Variants in AOPEP observed in about 807,000 individuals in gnomAD.
AOPEP encodes the protein aminopeptidase O.
In AOPEP, 77 loss-of-function variants were observed where a neutral mutation model predicts 98.1. The ratio of observed to expected loss-of-function variants is 0.78; its 90% confidence interval spans 0.65 to 0.95. AOPEP has a LOEUF of 0.95. Among genes scored for constraint, AOPEP ranks in the 40% least tolerant of loss-of-function variants. The pLI is 0.00. For synonymous variants in AOPEP, 346 were observed against 365.3 expected (o/e 0.95, Z 0.60); for missense variants, 1,024 against 1,024.7 (o/e 1.00, Z 0.01).
chr9:94,906,490 C>A (rs1295513426), intron 5 of AOPEP, among the ~76,000 whole-genome samples: 14 of 58,072 alleles, frequency 2.4e-4, no homozygotes, highest in African/African-American at 6.5e-4. Context: ...AATAAAAAAA[C>A]AGACCCCCTC....
chr9:94,961,563 C>T (rs1417243272), intron 9 of AOPEP, among the ~76,000 whole-genome samples: 5 of 152,144 alleles, frequency 3.3e-5, no homozygotes, highest in Non-Finnish European at 7.3e-5. Context: ...CTGTTCTTTT[C>T]CTTGACGTTT....
intron 5 of AOPEP, among the ~76,000 whole-genome samples, chr9:94,860,097 T>C (rs2044740819): frequency 6.6e-6 from 1 of 152,148 alleles, no homozygotes; most frequent in Admixed American, 6.5e-5. Flanking sequence ...TGGCAGGGCC[T>C]TGGGGCAGGT....
chr9:94,729,740 T>C (rs1487146609), intron 1 of AOPEP, among the ~76,000 whole-genome samples: 1 of 152,122 alleles, frequency 6.6e-6, no homozygotes, highest in East Asian at 1.9e-4. Context: ...CTCTCCAGTG[T>C]GATAATCAAA....
intron 1 of AOPEP, among the ~76,000 whole-genome samples, chr9:94,738,873 G>T (rs1832412293): frequency 6.6e-6 from 1 of 152,132 alleles, no homozygotes; most frequent in Non-Finnish European, 1.5e-5. Flanking sequence ...TGTGCCCCAA[G>T]AGAAAAATAT....
chr9:94,761,754 G>T (rs1838354135), intron 2 of AOPEP, among the ~76,000 whole-genome samples: 1 of 152,138 alleles, frequency 6.6e-6, no homozygotes, highest in South Asian at 2.1e-4. Context: ...TTGTGAAATT[G>T]CAGGGTTGGT....
intron 5 of AOPEP, among the ~76,000 whole-genome samples, chr9:94,837,120 C>G (rs1481980051): frequency 6.6e-6 from 1 of 152,116 alleles, no homozygotes; most frequent in East Asian, 1.9e-4. Context: ...TTCAAGGCTA[C>G]TGTGAACACC....
chr9:95,064,066 C>G (rs1034943660), intron 14 of AOPEP, among the ~76,000 whole-genome samples: 1 of 152,222 alleles, frequency 6.6e-6, no homozygotes, highest in Non-Finnish European at 1.5e-5. Flanking sequence ...TCCACTCTTT[C>G]ATGTAGAATT....
Position 94,850,597 on chromosome 9 carries a change from C to T in AOPEP, c.1364+49595C>T, listed in dbSNP as rs117313823. 7.7e-4 allele frequency among the ~76,000 whole-genome samples: 117 copies of T among 152,282 alleles called. 1 individual carries two copies. The East Asian group carries it at 0.021, about 28-fold the overall frequency. ...ATGGTAGAGTGGAATTTGAGCTCAC[C>T]GCCCGACTCCAGAGTGGTGCCCTTA... is the stretch of plus-strand genomic sequence containing the variant. On this transcript the variant is annotated intron_variant, in intron 5 of 16. Transcript: ENST00000375315.
At chr9:94,841,880 T>C (rs1029349348) in intron 5 of AOPEP, among the ~76,000 whole-genome samples, 1 of 151,960 alleles carries the variant, frequency 6.6e-6, no homozygotes. Context: ...AGCGAGACCC[T>C]GTCTCTACAA....
At chr9:95,046,651 A>G (rs2065893326) in intron 13 of AOPEP, among the ~76,000 whole-genome samples, 2 of 152,208 alleles carry the variant, frequency 1.3e-5, no homozygotes, top group African/African-American at 2.4e-5. Flanking sequence ...AGTGTGGGGA[A>G]CATAGGGAAG....
intron 1 of AOPEP, among the ~76,000 whole-genome samples, chr9:94,759,249 T>C: frequency 6.6e-6 from 1 of 152,248 alleles, no homozygotes; most frequent in East Asian, 1.9e-4. Flanking sequence ...TTCACACTTG[T>C]TACTTGGAAT....
rs1393142202 is a variant in AOPEP at position 94,924,164 on chromosome 9, A to G, written c.1543A>G (p.Thr515Ala). The change falls in exon 6 of 17, where the codon ACA becomes GCA. Residue 515 changes from threonine to alanine, a missense_variant. Coordinates refer to ENST00000375315, the MANE Select transcript of AOPEP (RefSeq NM_001193329.3). ...TCACTTGGAGGATGTGTTTTGGGCCACAGCACAGCAGGTGGGTTAAAGTGA... is the reference window on the plus strand; with the variant it reads ...TCACTTGGAGGATGTGTTTTGGGCCGCAGCACAGCAGGTGGGTTAAAGTGA... ...ATHLEDVFWATAQQLAPYEAR... is the reference protein window; with the variant it reads ...ATHLEDVFWAAAQQLAPYEAR... 4.2e-6 allele frequency: 6 copies of G among 1,416,668 alleles called. No homozygotes were observed. Among genetic ancestry groups the G allele is most frequent in the Non-Finnish European group, 5.6e-6 (6 of 1,076,264 alleles). 87.8% of individuals were successfully genotyped at this position (1,416,668 alleles called of 1,614,324 possible). A position where few individuals can be genotyped will look rare whatever the true frequency, so the allele number is the denominator to read the frequency against.
chr9:94,807,979 T>C (rs1849604716), intron 5 of AOPEP, among the ~76,000 whole-genome samples: 1 of 152,198 alleles, frequency 6.6e-6, no homozygotes, highest in South Asian at 2.1e-4. Flanking sequence ...GAAATTGCCT[T>C]GTCTCTACAT....
chr9:94,973,189 C>T (rs1049311025), intron 10 of AOPEP, among the ~76,000 whole-genome samples: 7 of 152,156 alleles, frequency 4.6e-5, no homozygotes, highest in African/African-American at 1.7e-4. Flanking sequence ...TGTGTGCTTC[C>T]CTTCAGAGGC....
intron 4 of AOPEP, among the ~76,000 whole-genome samples, chr9:94,795,705 A>G (rs1021517406): frequency 1.3e-5 from 2 of 152,178 alleles, no homozygotes; most frequent in East Asian, 1.9e-4. Flanking sequence ...CTCAGAAGCA[A>G]CTTAAATGGC....
chr9:94,939,550 T>C (rs2056757881), intron 7 of AOPEP, among the ~76,000 whole-genome samples: 1 of 152,130 alleles, frequency 6.6e-6, no homozygotes, highest in African/African-American at 2.4e-5. Flanking sequence ...CTGGATGAGT[T>C]CTGACTCTAC....
rs1236675962 is a variant in AOPEP, at chr9:94,979,292, TAGAG to T, written c.1917-71_1917-68del. 4.3e-6 allele frequency: 4 copies of T among 937,888 alleles called. No homozygotes were observed. In the Admixed American group the frequency reaches 6.0e-5, roughly 14 times the overall value. 58.1% of individuals were successfully genotyped at this position (937,888 alleles called of 1,614,324 possible). Reference sequence around the variant, plus strand: ...AGATCGATGCTGTGATGTACCCAGTTAGAGAGAACCAGTCTGTGTAATAAGCGCT... The same window carrying T: ...AGATCGATGCTGTGATGTACCCAGTTAGAACCAGTCTGTGTAATAAGCGCT... On this transcript the variant is annotated intron_variant, in intron 10 of 16. Coordinates refer to ENST00000375315, the MANE Select transcript of AOPEP (RefSeq NM_001193329.3).
At chr9:95,094,588 CT>C in the AOPEP span, among the ~76,000 whole-genome samples, 2 of 152,188 alleles carry the variant, frequency 1.3e-5, no homozygotes, top group Non-Finnish European at 1.5e-5. Flanking sequence ...AATCTTTGTC[CT>C]TTTATGTCTG....
intron 13 of AOPEP, among the ~76,000 whole-genome samples, chr9:95,032,140 T>C (rs2064362914): frequency 6.6e-6 from 1 of 152,242 alleles, no homozygotes; most frequent in South Asian, 2.1e-4. Context: ...ACAGTGAGCC[T>C]GCAAACACAC....
Sources: allele counts gnomAD v4.1 joint callset (sites outside exome capture counted in the v4.1 genomes callset), GRCh38; gene constraint gnomAD v4.1.1; transcripts MANE v1.5; gene names NCBI Gene and HGNC (gene_info 2026-07-23, HGNC 2026-07-21).